The following PIAS4 variants were observed in gnomAD, a reference collection of about 807,000 sequenced individuals.
PIAS4 encodes the protein protein inhibitor of activated STAT 4.
A neutral mutation model predicts 58.0 loss-of-function variants in PIAS4; 7 were observed. The ratio of observed to expected loss-of-function variants is 0.12; its 90% CI spans 0.07 to 0.23. The LOEUF (loss-of-function observed/expected upper bound fraction) is 0.23. PIAS4 is among the 10% of genes least tolerant of loss of function. The pLI, the probability that PIAS4 is intolerant of heterozygous loss-of-function variation, is 1.00. For synonymous variants in PIAS4, 364 were observed against 312.4 expected (o/e 1.17, Z -1.74); for missense variants, 550 against 709.5 (o/e 0.78, Z 2.55).
chr19:4,028,706 C>T lies in PIAS4; in HGVS notation c.673-14C>T. The T allele has an allele frequency of 6.2e-7, 1 of 1,605,652 alleles. No individual in the cohort carries two copies. The highest frequency in any genetic ancestry group is 1.1e-5 in the South Asian group (1 of 90,392). ...CGCTCTTGGCTCGAGGCTGAGCGGC[C>T]CATCTGCTTGCAGGGCTACTACCCC... is the stretch of plus-strand genomic sequence containing the variant. On this transcript the variant is annotated splice_polypyrimidine_tract_variant and intron_variant, in intron 5 of 10. Transcript: ENST00000262971.
chr19:4,021,172 A>G (rs1164537110), intron 2 of PIAS4, among the ~76,000 whole-genome samples: 7 of 151,952 alleles, frequency 4.6e-5, no homozygotes, highest in Non-Finnish European at 1.0e-4. Context: ...TATATTATTG[A>G]TACAGAGCCT....
At chr19:4,011,641 T>TGGTGTGGAGGTGTGGGG (rs2039993310) in intron 1 of PIAS4, among the ~76,000 whole-genome samples, 1 of 145,740 alleles carries the variant, frequency 6.9e-6, no homozygotes, top group Non-Finnish European at 1.5e-5. Flanking sequence ...GAGGTGTGTT[T>TGGTGTGGAGGTGTGGGG]GGTGTGGAGG....
chr19:4,021,001 A>G (rs1198884697), intron 2 of PIAS4, among the ~76,000 whole-genome samples: 1 of 152,184 alleles, frequency 6.6e-6, no homozygotes, highest in African/African-American at 2.4e-5. Flanking sequence ...GCTTACCTTT[A>G]TAAGGGTAGT....
At chr19:4,012,681 A>G (rs541700523) in intron 1 of PIAS4, among the ~76,000 whole-genome samples, 80 of 151,740 alleles carry the variant, frequency 5.3e-4, no homozygotes, top group African/African-American at 1.9e-3. Context: ...GGGGGGGCCT[A>G]GTCAGAGGCG....
chr19:4,032,094 G>A (rs1315462375), intron 7 of PIAS4, among the ~76,000 whole-genome samples: 1 of 152,194 alleles, frequency 6.6e-6, no homozygotes. Flanking sequence ...GGTCTGGGTG[G>A]GGGTCAGGAA....
intron 2 of PIAS4, among the ~76,000 whole-genome samples, chr19:4,019,178 C>T (rs1189776110): frequency 6.6e-6 from 1 of 152,176 alleles, no homozygotes; most frequent in Admixed American, 6.5e-5. Context: ...TGGCCCCAAA[C>T]AGCTGACCCC....
chr19:4,033,227 C>T (rs1035858270), intron 8 of PIAS4, 54 bp downstream of exon 8: 101 of 1,538,196 alleles, frequency 6.6e-5, no homozygotes, highest in Non-Finnish European at 8.7e-5. Context: ...CGGCCTTCCC[C>T]CCTGGCGGCC....
intron 7 of PIAS4, among the ~76,000 whole-genome samples, chr19:4,031,805 C>T (rs1277211782): frequency 6.6e-6 from 1 of 152,204 alleles, no homozygotes; most frequent in East Asian, 1.9e-4. Context: ...CACTTGAACC[C>T]TTCCTGCTGC....
At chr19:4,020,073 C>T (rs1048395901) in intron 2 of PIAS4, among the ~76,000 whole-genome samples, 2 of 152,200 alleles carry the variant, frequency 1.3e-5, no homozygotes, top group Non-Finnish European at 2.9e-5. Context: ...CCTGCCACCA[C>T]GCCCGGCTAA....
Position 4,028,549 on chromosome 19 carries a change from G to A in PIAS4, c.621G>A (p.Gln207=), listed in dbSNP as rs758717988. 1 of 1,613,056 alleles carries A rather than the reference G, an allele frequency of 6.2e-7. No individual in the cohort carries two copies. Among genetic ancestry groups the A allele is most frequent in the Non-Finnish European group, 8.5e-7 (1 of 1,179,934 alleles). ...ACACCAGCTGCCCTCAGGAGGACCAGTACCCGCCCAACATCGCTGTGAAGG... is the reference window on the plus strand; with the variant it reads ...ACACCAGCTGCCCTCAGGAGGACCAATACCCGCCCAACATCGCTGTGAAGG... ...YSDTSCPQED[Q]YPPNIAVKVN... is the part of the protein sequence containing the mutation. Residue 207 remains glutamine (Q), a synonymous_variant, in exon 5 of 11, where the codon CAG becomes CAA. Coordinates refer to ENST00000262971, the MANE Select transcript of PIAS4 (RefSeq NM_015897.4).
intron 7 of PIAS4, among the ~76,000 whole-genome samples, chr19:4,029,811 A>ATTT (rs1172132330): frequency 3.6e-5 from 2 of 55,000 alleles, no homozygotes; most frequent in Non-Finnish European, 7.4e-5. Flanking sequence ...CACCCAACTA[A>ATTT]TTTTTTTTTT....
rs925947372 is a variant in PIAS4, at chr19:4,018,955, G to A, written c.455-5081G>A. Among the ~76,000 whole-genome samples, 29 of 152,224 alleles carry A rather than the reference G, an allele frequency of 1.9e-4. 1 individual carries two copies. The highest frequency in any genetic ancestry group is 3.4e-3 in the Middle Eastern group (1 of 294). On this transcript the variant is annotated intron_variant, in intron 2 of 10. Transcript: ENST00000262971. ...CCAGGGTGGTGGCCGTGTGTGCGCC[G>A]GGGTGTGTGTGGCCCTGAGCAGGGG...
chr19:4,035,354 G>T (rs1197720591), intron 9 of PIAS4, among the ~76,000 whole-genome samples: 1 of 152,156 alleles, frequency 6.6e-6, no homozygotes, highest in Non-Finnish European at 1.5e-5. Flanking sequence ...CCCAGCCACT[G>T]CACCTTTCCC....
chr19:4,011,097 C>T (rs1489479397), intron 1 of PIAS4, among the ~76,000 whole-genome samples: 2 of 152,242 alleles, frequency 1.3e-5, no homozygotes, highest in East Asian at 1.9e-4. Context: ...AACCTCAGCG[C>T]CTCCTGGCAC....
At chr19:4,035,405 G>T (rs1401951625) in intron 9 of PIAS4, among the ~76,000 whole-genome samples, 1 of 152,180 alleles carries the variant, frequency 6.6e-6, no homozygotes, top group East Asian at 1.9e-4. Context: ...GGCTAAGACG[G>T]GTTGGGGAGC....
intron 2 of PIAS4, among the ~76,000 whole-genome samples, chr19:4,016,027 C>T (rs1019593120): frequency 1.3e-5 from 2 of 152,202 alleles, no homozygotes; most frequent in Non-Finnish European, 2.9e-5. Flanking sequence ...GGCCCAAGGT[C>T]GCACAGCGGC....
chr19:4,037,590 C>G lies in PIAS4; in HGVS notation c.1274-26C>G, dbSNP rs2040313047. 1.9e-6 allele frequency: 3 copies of G among 1,608,084 alleles called. No individual in the cohort carries two copies. The Admixed American group carries it at 5.0e-5, about 27-fold the overall frequency. On this transcript the variant is annotated intron_variant, in intron 10 of 10. Transcript: ENST00000262971. The surrounding 1 kb of genome is among the most constrained non-coding windows in gnomAD (Gnocchi z 5.8). ...TTATCAGTGGTTGCATCCTAAGTACCTGCACCCTGTCCCTGTTGCCCGTAG... is the reference window on the plus strand; with the variant it reads ...TTATCAGTGGTTGCATCCTAAGTACGTGCACCCTGTCCCTGTTGCCCGTAG...
intron 9 of PIAS4, among the ~76,000 whole-genome samples, chr19:4,036,903 C>T (rs1599235912): frequency 2.6e-5 from 4 of 152,148 alleles, no homozygotes; most frequent in African/African-American, 7.2e-5. Context: ...CATATGCATC[C>T]ATTCACACGT....
At chr19:4,009,065 C>G (rs1184868054) in intron 1 of PIAS4, among the ~76,000 whole-genome samples, 1 of 152,092 alleles carries the variant, frequency 6.6e-6, no homozygotes, top group Non-Finnish European at 1.5e-5. Context: ...AGGTGCCTAC[C>G]TAGAGCTGAG....
Sources: allele counts gnomAD v4.1 joint callset (sites outside exome capture counted in the v4.1 genomes callset), GRCh38; gene constraint gnomAD v4.1.1; non-coding constraint Gnocchi (gnomAD v3.1); transcripts MANE v1.5; gene names NCBI Gene and HGNC (gene_info 2026-07-23, HGNC 2026-07-21).